The following RTTN variants were observed in gnomAD, a reference collection of about 807,000 sequenced individuals.
RTTN encodes rotatin.
RTTN carries 182 observed loss-of-function variants against 269.2 expected under a neutral mutation model. The observed-to-expected ratio is 0.68, with a 90% CI of 0.60 to 0.76. The LOEUF (loss-of-function observed/expected upper bound fraction) is 0.76, where lower values mean the gene tolerates loss of function less well. Ranked by LOEUF, RTTN falls within the 30% of genes least tolerant of loss-of-function variation. The pLI, the probability that RTTN is intolerant of heterozygous loss-of-function variation, is 0.00. For synonymous variants in RTTN, 1,006 were observed against 963.5 expected (o/e 1.04, Z -0.82); for missense variants, 2,545 against 2,608.6 (o/e 0.98, Z 0.53).
At position 70,004,080 on chromosome 18, in the gene RTTN, C is replaced by T; in HGVS notation, c.*71G>A. The T allele has an allele frequency of 2.6e-6, 3 of 1,149,914 alleles. No individual in the cohort carries two copies. Among genetic ancestry groups the T allele is most frequent in the Non-Finnish European group, 3.9e-6 (3 of 760,344 alleles). 71.2% of individuals were successfully genotyped at this position (1,149,914 alleles called of 1,614,324 possible). Reference sequence around the variant, plus strand: ...GCACGTCTTCAGGTAACAGCTGCTACACACAGCTGGCTTCAACTTTAGCTC... The same window carrying T: ...GCACGTCTTCAGGTAACAGCTGCTATACACAGCTGGCTTCAACTTTAGCTC... On this transcript the variant is annotated 3_prime_UTR_variant, in exon 49 of 49. Coordinates refer to ENST00000640769, the MANE Select transcript of RTTN (RefSeq NM_173630.4).
intron 43 of RTTN, among the ~76,000 whole-genome samples, chr18:70,026,187 G>C (rs774611616): frequency 1.3e-5 from 2 of 152,110 alleles, no homozygotes; most frequent in African/African-American, 4.8e-5. Context: ...TGCCAACAAC[G>C]CTTAAGCACG....
intron 32 of RTTN, among the ~76,000 whole-genome samples, chr18:70,077,481 T>A (rs1304996572): frequency 6.6e-6 from 1 of 151,894 alleles, no homozygotes; most frequent in East Asian, 1.9e-4. Flanking sequence ...AAGACAAGAG[T>A]TACAAACCCA....
chr18:70,088,209 A>C, intron 30 of RTTN, 62 bp from the exon 31 acceptor site: 2 of 1,456,176 alleles, frequency 1.4e-6, no homozygotes, highest in Non-Finnish European at 1.8e-6. Context: ...ATGAATTCTT[A>C]GTTTTTCTGG....
chr18:70,063,725 C>T (rs763895075), intron 35 of RTTN, among the ~76,000 whole-genome samples: 15 of 151,984 alleles, frequency 9.9e-5, no homozygotes, highest in Non-Finnish European at 2.2e-4. Flanking sequence ...TATATAGAAA[C>T]CTTTTTTGAA....
At chr18:70,135,149 TAA>T in intron 22 of RTTN, 33 bp downstream of exon 22, 6 of 1,190,436 alleles carry the variant, frequency 5.0e-6, no homozygotes, top group South Asian at 1.4e-5. Flanking sequence ...GATAAATAGT[TAA>T]GAGTAAAAAA....
At chr18:70,089,285 G>A (rs191935995) in intron 30 of RTTN, among the ~76,000 whole-genome samples, 3 of 152,290 alleles carry the variant, frequency 2.0e-5, no homozygotes, top group Admixed American at 2.0e-4. Context: ...TCAGGAAGGA[G>A]AGAAATCTTT....
chr18:70,127,578 T>TAGA lies in RTTN; in HGVS notation c.3306_3307insTCT (p.Asp1102_Arg1103insSer), dbSNP rs1165329549. The TAGA allele has an allele frequency of 6.2e-7, 1 of 1,613,530 alleles. No homozygotes were observed. The highest frequency in any genetic ancestry group is 1.7e-5 in the Admixed American group (1 of 59,846). On this transcript the variant is annotated inframe_insertion, in exon 25 of 49. Transcript: ENST00000640769. ...CCAGGGCAACCCTTTAAAGACAATC[T>TAGA]GTCATTCAGAAGATAAAAACTCATC... is the stretch of plus-strand genomic sequence containing the variant.
At chr18:70,192,300 T>C (rs2061690310) in intron 8 of RTTN, among the ~76,000 whole-genome samples, 1 of 152,164 alleles carries the variant, frequency 6.6e-6, no homozygotes, top group Non-Finnish European at 1.5e-5. Flanking sequence ...CTAATATGTT[T>C]CTAACACATT....
At chr18:70,162,336 A>G (rs915850727) in intron 14 of RTTN, among the ~76,000 whole-genome samples, 2 of 152,202 alleles carry the variant, frequency 1.3e-5, no homozygotes, top group African/African-American at 2.4e-5. Flanking sequence ...GATGGGAACA[A>G]CAGACAGTGG....
chr18:70,195,357 T>C lies in RTTN; in HGVS notation c.841+1144A>G, dbSNP rs145765970. 9.6e-3 allele frequency among the ~76,000 whole-genome samples: 1,456 copies of C among 152,358 alleles called. 22 individuals carry two copies. The highest frequency in any genetic ancestry group is 0.033 in the African/African-American group (1,386 of 41,582). The stretch of plus-strand genomic sequence containing the variant: ...GCTATGTTTACCCAACCACGTTGTG[T>C]CACATCACCCTTTTTATTTCCTTCA... On this transcript the variant is annotated intron_variant, in intron 7 of 48. Coordinates refer to ENST00000640769, the MANE Select transcript of RTTN (RefSeq NM_173630.4).
chr18:70,007,431 G>C (rs1243218984), intron 46 of RTTN: 1 of 152,258 alleles, frequency 6.6e-6, no homozygotes, highest in African/African-American at 2.4e-5. Context: ...CTGGAAAGGG[G>C]GCTGAAGCCA....
At chr18:70,020,581 C>T (rs753861280) in intron 45 of RTTN, 34 bp downstream of exon 45, 2 of 1,497,230 alleles carry the variant, frequency 1.3e-6, no homozygotes, top group Non-Finnish European at 1.8e-6. Context: ...CACTGAGTAC[C>T]CTTTTAAGAT....
At chr18:70,038,282 C>T (rs1042371565) in intron 40 of RTTN, among the ~76,000 whole-genome samples, 11 of 152,064 alleles carry the variant, frequency 7.2e-5, no homozygotes, top group South Asian at 6.2e-4. Context: ...AAGCAGGTAG[C>T]GACTGCAGTG....
At chr18:70,148,309 A>G (rs2060448767) in intron 17 of RTTN, among the ~76,000 whole-genome samples, 1 of 152,186 alleles carries the variant, frequency 6.6e-6, no homozygotes, top group Admixed American at 6.6e-5. Flanking sequence ...TAATAATAGA[A>G]AAGATTCATG....
intron 19 of RTTN, among the ~76,000 whole-genome samples, chr18:70,141,079 G>A (rs749514880): frequency 1.3e-5 from 2 of 151,974 alleles, no homozygotes; most frequent in African/African-American, 2.4e-5. Context: ...ACTCTTTAAC[G>A]AGTTTTTCTT....
chr18:70,140,861 T>C (rs2060239736), intron 19 of RTTN, among the ~76,000 whole-genome samples: 1 of 152,202 alleles, frequency 6.6e-6, no homozygotes, highest in African/African-American at 2.4e-5. Flanking sequence ...ATATATTCGT[T>C]ACAAGTATTT....
At chr18:70,105,631 C>T (rs1004501521) in intron 28 of RTTN, among the ~76,000 whole-genome samples, 4 of 151,954 alleles carry the variant, frequency 2.6e-5, no homozygotes, top group East Asian at 3.9e-4. Context: ...GGAACCTCTC[C>T]GAAATTTATT....
At position 70,109,552 on chromosome 18, in the gene RTTN, A is replaced by C. The variant is rs763779262; in HGVS notation, c.3849T>G (p.Ser1283=). ...LTAFPGWSSH[S]PLTKPLDICV... ...AGATATCTAGAGGCTTTGTGAGAGG[A>C]GAGTGTGAGCTCCATCCCGGAAACG... is the stretch of plus-strand genomic sequence containing the variant. Residue 1283 remains serine (S), a synonymous_variant, in exon 28 of 49, where the codon TCT becomes TCG. Coordinates refer to ENST00000640769, the MANE Select transcript of RTTN (RefSeq NM_173630.4). 1.2e-6 allele frequency: 2 copies of C among 1,614,002 alleles called. No individual in the cohort carries two copies. Among genetic ancestry groups the C allele is most frequent in the African/African-American group, 2.7e-5 (2 of 74,890 alleles).
intron 18 of RTTN, among the ~76,000 whole-genome samples, chr18:70,143,079 G>T (rs1477800296): frequency 2.6e-5 from 4 of 152,132 alleles, no homozygotes; most frequent in African/African-American, 9.7e-5. Context: ...GTCCCTCGTA[G>T]CAGTTTTGAT....
Sources: gnomAD v4.1 joint callset for allele counts (sites outside exome capture counted in the v4.1 genomes callset) on GRCh38, gnomAD v4.1.1 for gene constraint, MANE v1.5 for transcripts, NCBI Gene and HGNC (gene_info 2026-07-23, HGNC 2026-07-21) for gene names.